CEP152: variants seen among roughly 807,000 people sequenced by gnomAD.
CEP152 encodes the protein centrosomal protein of 152 kDa.
CEP152 carries 132 observed loss-of-function variants against 188.9 expected under a neutral mutation model. The observed-to-expected ratio is 0.70, with a 90% CI of 0.61 to 0.81. The LOEUF is 0.81. Among genes scored for constraint, CEP152 ranks in the 30% least tolerant of loss-of-function variants. The pLI is 0.00. For synonymous variants in CEP152, 649 were observed against 666.6 expected, an observed-to-expected ratio of 0.97 and a Z score of 0.41; for missense variants, 1,914 against 1,969.8, an observed-to-expected ratio of 0.97 and a Z score of 0.54.
At chr15:48,746,081 C>T (rs192400290) in intron 22 of CEP152, among the ~76,000 whole-genome samples, 58 of 152,052 alleles carry the variant, frequency 3.8e-4, no homozygotes, top group African/African-American at 1.1e-3. Context: ...TTTTAATAAA[C>T]GCTACCAAGA....
In CEP152 at chr15:48,762,659, A is replaced by G. The variant is rs1010622394; in HGVS notation, c.2294T>C (p.Leu765Pro). 2 of 1,613,662 alleles carry G rather than the reference A, an allele frequency of 1.2e-6. No individual in the cohort carries two copies. The highest frequency in any genetic ancestry group is 8.5e-7 in the Non-Finnish European group (1 of 1,179,980). ...CCACTCCTTTTCAAGCTGTTGAATG[A>G]GTTTTTCTTTGATCTGTTTTCAGAA... ...QQTQEKIKEK[L>P]IQQLEKEWQS... is the part of the protein sequence containing the mutation. The change falls in exon 18 of 27, where the codon CTC (leucine) becomes CCC (proline). Residue 765 changes from leucine to proline, a missense_variant. Leu to Pro is a moderately conservative substitution (Grantham distance 98). Coordinates refer to ENST00000380950, the MANE Select transcript of CEP152 (RefSeq NM_001194998.2).
At chr15:48,776,375 C>T (rs1895904731) in intron 12 of CEP152, among the ~76,000 whole-genome samples, 1 of 152,030 alleles carries the variant, frequency 6.6e-6, no homozygotes, top group Non-Finnish European at 1.5e-5. Context: ...TGATAACTCT[C>T]AATACTGGCT....
intron 2 of CEP152, among the ~76,000 whole-genome samples, chr15:48,798,518 G>GGCCTA (rs1338569657): frequency 6.9e-6 from 1 of 144,628 alleles, no homozygotes; most frequent in Non-Finnish European, 1.5e-5. Context: ...AGCAGCAGGT[G>GGCCTA]GCCTAGAAGC....
At chr15:48,736,943 G>C (rs1158741964), downstream of CEP152, among the ~76,000 whole-genome samples, 4 of 152,192 alleles carry the variant, frequency 2.6e-5, no homozygotes, top group Non-Finnish European at 5.9e-5. Flanking sequence ...TCTAGAGTGA[G>C]AGATGACAGC....
In CEP152 at chr15:48,767,428, A is replaced by T; in HGVS notation, c.2054T>A (p.Met685Lys). The change falls in exon 16 of 27, where the codon ATG (methionine) becomes AAG (lysine). Residue 685 changes from methionine to lysine, a missense_variant. Met to Lys is a moderately conservative substitution (Grantham distance 95, BLOSUM62 -1). Coordinates refer to ENST00000380950, the MANE Select transcript of CEP152 (RefSeq NM_001194998.2). ...TAGGCTTTCACGTATTTGAGTTTTC[A>T]TGGCTTCATGGTGCTGCTGATAAGT... is the stretch of plus-strand genomic sequence containing the variant. Reference protein sequence around the residue: ...ERTYQQHHEAMKTQIRESLLA... With the variant: ...ERTYQQHHEAKKTQIRESLLA... 1 of 1,614,132 alleles carries T rather than the reference A, an allele frequency of 6.2e-7. No homozygotes were observed. The highest frequency in any genetic ancestry group is 8.5e-7 in the Non-Finnish European group (1 of 1,180,000).
chr15:48,794,392 C>T (rs1897166257), intron 6 of CEP152, among the ~76,000 whole-genome samples: 1 of 152,122 alleles, frequency 6.6e-6, no homozygotes, highest in Admixed American at 6.5e-5. Context: ...TAACCACTTG[C>T]TAACTAAATA....
intron 17 of CEP152, 102 bp from the exon 18 acceptor site, chr15:48,762,774 C>A: frequency 9.0e-7 from 1 of 1,107,898 alleles, no homozygotes; most frequent in Non-Finnish European, 1.3e-6. Flanking sequence ...TGTTTGAAAA[C>A]CATCTAGATA....
intron 25 of CEP152, 59 bp from the exon 26 acceptor site, chr15:48,741,763 G>A: frequency 5.6e-6 from 9 of 1,611,730 alleles, no homozygotes; most frequent in Non-Finnish European, 6.8e-6. Flanking sequence ...AGTTGCCTTA[G>A]CCCCATGGTT....
At chr15:48,807,677 A>T (rs1898074611) in intron 1 of CEP152, among the ~76,000 whole-genome samples, 1 of 152,256 alleles carries the variant, frequency 6.6e-6, no homozygotes, top group African/African-American at 2.4e-5. Flanking sequence ...CCTTTCTTTC[A>T]TTCAAATATA....
chr15:48,805,724 G>A, intron 1 of CEP152, 68 bp from the exon 2 acceptor site: 1 of 1,599,204 alleles, frequency 6.3e-7, no homozygotes, highest in East Asian at 2.2e-5. Context: ...AACTACATAA[G>A]AGATGCCATA....
At chr15:48,767,022 G>C (rs752555388) in intron 17 of CEP152, 38 bp downstream of exon 17, 2 of 1,609,348 alleles carry the variant, frequency 1.2e-6, no homozygotes, top group Admixed American at 3.3e-5. Flanking sequence ...GGCTTGAAGA[G>C]TGAAAGGATG....
intron 10 of CEP152, among the ~76,000 whole-genome samples, chr15:48,783,528 T>C (rs1335894579): frequency 6.6e-6 from 1 of 152,032 alleles, no homozygotes; most frequent in African/African-American, 2.4e-5. Context: ...TAATGTATTT[T>C]ATTGTTCAAT....
At chr15:48,751,111 A>T (rs1388733826) in intron 21 of CEP152, among the ~76,000 whole-genome samples, 1 of 152,240 alleles carries the variant, frequency 6.6e-6, no homozygotes, top group African/African-American at 2.4e-5. Flanking sequence ...GTAGGATTTT[A>T]AAGGACTTTA....
intron 20 of CEP152, among the ~76,000 whole-genome samples, chr15:48,753,327 A>G (rs1282711978): frequency 2.0e-5 from 3 of 152,166 alleles, no homozygotes; most frequent in Non-Finnish European, 4.4e-5. Context: ...CGCTCAGCCA[A>G]ATCAATGGAT....
rs552953431 is a variant in CEP152 at position 48,756,458 on chromosome 15, C to T, written c.2790G>A (p.Lys930=). 7.4e-6 allele frequency: 12 copies of T among 1,613,580 alleles called. No individual in the cohort carries two copies. Among genetic ancestry groups the T allele is most frequent in the Non-Finnish European group, 9.3e-6 (11 of 1,179,790 alleles). Residue 930 remains lysine (K), a synonymous_variant, in exon 20 of 27, where the codon AAG becomes AAA. Coordinates refer to ENST00000380950, the MANE Select transcript of CEP152 (RefSeq NM_001194998.2). ...NILPGKELEE[K]IHSLQKELEL... ...CAAGTTCCTTCTGAAGAGAATGAATCTTCTCTTCCAATTCCTTTCCAGGAA... is the reference window on the plus strand; with the variant it reads ...CAAGTTCCTTCTGAAGAGAATGAATTTTCTCTTCCAATTCCTTTCCAGGAA...
chr15:48,796,216 C>T, intron 5 of CEP152, 56 bp from the exon 6 acceptor site: 2 of 1,588,902 alleles, frequency 1.3e-6, no homozygotes, highest in Non-Finnish European at 1.7e-6. Flanking sequence ...CCAAAATTAT[C>T]TGAATTAGAC....
chr15:48,795,611 T>A (rs1273127194), intron 6 of CEP152, among the ~76,000 whole-genome samples: 2 of 152,326 alleles, frequency 1.3e-5, no homozygotes, highest in East Asian at 3.8e-4. Context: ...CAAACTAGAA[T>A]GACTGAAATA....
Position 48,807,852 on chromosome 15 carries a change from T to G in CEP152, c.-7-2196A>C, listed in dbSNP as rs537077495. Among the ~76,000 whole-genome samples, 3 of 152,260 alleles carry G rather than the reference T, an allele frequency of 2.0e-5. No individual in the cohort carries two copies. The South Asian group carries it at 6.2e-4, about 32-fold the overall frequency. On this transcript the variant is annotated intron_variant, in intron 1 of 26. Transcript: ENST00000380950. ...TTGCTAAAAATGTAGCTACTAATAT[T>G]TTAAATAGACAGCTACTTTTTCTCA... is the stretch of plus-strand genomic sequence containing the variant.
chr15:48,797,413 A>G lies in CEP152; in HGVS notation c.428T>C (p.Leu143Ser). The G allele has an allele frequency of 6.2e-7, 1 of 1,614,166 alleles. No homozygotes were observed. ...CCTAAAGTTTTCAGGAAGGTGATATAAATCAGTCTGTTCACATTTACTTGG... is the reference window on the plus strand; with the variant it reads ...CCTAAAGTTTTCAGGAAGGTGATATGAATCAGTCTGTTCACATTTACTTGG... ...SPPSKCEQTDLYHLPENFRPY... is the reference protein window; with the variant it reads ...SPPSKCEQTDSYHLPENFRPY... Residue 143 changes from leucine (L) to serine (S), a missense_variant, in exon 5 of 27, where the codon TTA (leucine) becomes TCA (serine). Coordinates refer to ENST00000380950, the MANE Select transcript of CEP152 (RefSeq NM_001194998.2).
Sources: allele counts gnomAD v4.1 joint callset (sites outside exome capture counted in the v4.1 genomes callset), GRCh38; gene constraint gnomAD v4.1.1; transcripts MANE v1.5; gene names NCBI Gene and HGNC (gene_info 2026-07-23, HGNC 2026-07-21).